Variants in DNAH10 observed in about 807,000 individuals in gnomAD.
The protein encoded by DNAH10 is axonemal beta dynein heavy chain 10.
A neutral mutation model predicts 506.6 loss-of-function variants in DNAH10; 348 were observed. That is an observed-to-expected ratio of 0.69 (90% CI 0.63 to 0.75). DNAH10 has a LOEUF of 0.75. DNAH10 is among the 30% of genes least tolerant of loss of function. The probability of loss-of-function intolerance (pLI) is 0.00; values close to 1 mark genes in which losing one functional copy is unlikely to be tolerated. For synonymous variants in DNAH10, 2,059 were observed against 2,198.6 expected (o/e 0.94, Z 1.78); for missense variants, 5,179 against 5,787.1 (o/e 0.89, Z 3.41).
Position 123,902,958 on chromosome 12 carries a change from G to A in DNAH10, c.9660G>A (p.Leu3220=), listed in dbSNP as rs1450311140. 1 of 1,589,108 alleles carries A rather than the reference G, an allele frequency of 6.3e-7. No homozygotes were observed. Among genetic ancestry groups the A allele is most frequent in the South Asian group, 1.1e-5 (1 of 87,018 alleles). Residue 3220 remains leucine, a synonymous_variant, in exon 57 of 79, where the codon CTG becomes CTA. Transcript: ENST00000673944. The surrounding 1 kb of genome is among the most constrained non-coding windows in gnomAD (Gnocchi z 4.5). ...NTAVAEEKKK[L]AEEKAMEIEE... Reference sequence around the variant, plus strand: ...CTGCAGCCGAGGAGAAGAAGAAACTGGCAGAGGAAAAGGCCATGGAGATAG... The same window carrying A: ...CTGCAGCCGAGGAGAAGAAGAAACTAGCAGAGGAAAAGGCCATGGAGATAG...
chr12:123,878,769 T>G (rs1952371296), intron 48 of DNAH10, among the ~76,000 whole-genome samples: 1 of 152,144 alleles, frequency 6.6e-6, no homozygotes, highest in African/African-American at 2.4e-5. Context: ...TGTGGTGGTA[T>G]GTACCTGTAG....
Position 123,928,356 on chromosome 12 carries a change from C to A in DNAH10, c.12106-31C>A, listed in dbSNP as rs1955037072. 6.4e-7 allele frequency: 1 copy of A among 1,556,214 alleles called. No individual in the cohort carries two copies. The highest frequency in any genetic ancestry group is 1.9e-5 in the Admixed American group (1 of 51,908). Reference sequence around the variant, plus strand: ...GCACGGGGTTGGGTTTGGATGCCAACCCCTCTCCTCTTCCCTCTCCCCCGG... The same window carrying A: ...GCACGGGGTTGGGTTTGGATGCCAAACCCTCTCCTCTTCCCTCTCCCCCGG... On this transcript the variant is annotated intron_variant, in intron 69 of 78. Transcript: ENST00000673944. The surrounding 1 kb of genome is among the most constrained non-coding windows in gnomAD (Gnocchi z 4.9).
At chr12:123,867,764 G>T in intron 42 of DNAH10, 139 bp from the exon 43 acceptor site, 1 of 1,317,890 alleles carries the variant, frequency 7.6e-7, no homozygotes, top group South Asian at 1.5e-5. Flanking sequence ...TCAAGATACT[G>T]GGTTCCATCT....
Position 123,853,893 on chromosome 12 carries a change from C to T in DNAH10, c.6438+541C>T, listed in dbSNP as rs142903763. Reference sequence around the variant, plus strand: ...ACACGGATACATGCACGCGCACACACGTACGCACGCACATGTACACATACG... The same window carrying T: ...ACACGGATACATGCACGCGCACACATGTACGCACGCACATGTACACATACG... On this transcript the variant is annotated intron_variant, in intron 36 of 78. Transcript: ENST00000673944. This position sits in a 1 kb window ranked among gnomAD's most constrained non-coding sequence, Gnocchi z 4.7. Among the ~76,000 whole-genome samples the T allele has an allele frequency of 4.0e-5, 6 of 148,862 alleles. No individual in the cohort carries two copies. Among genetic ancestry groups the T allele is most frequent in the Admixed American group, 6.7e-5 (1 of 14,962 alleles).
chr12:123,838,776 A>T (rs1950661339), intron 29 of DNAH10, 87 bp downstream of exon 29: 7 of 1,243,022 alleles, frequency 5.6e-6, no homozygotes, highest in East Asian at 2.3e-5. Flanking sequence ...ATGAGGTTCA[A>T]CCCAGAGGGT....
intron 52 of DNAH10, among the ~76,000 whole-genome samples, chr12:123,892,198 G>GTGGC (rs1039391255): frequency 1.3e-5 from 2 of 152,242 alleles, no homozygotes; most frequent in Non-Finnish European, 2.9e-5. Flanking sequence ...AGAGGTTCAT[G>GTGGC]TGGCTCACAG....
chr12:123,847,938 G>A lies in DNAH10; in HGVS notation c.5815-23G>A, dbSNP rs773776017. Reference sequence around the variant, plus strand: ...TCCTTCTGTGCACCAGAAAACATATGTTTTGCATTTGGCTTATAACAGGCG... The same window carrying A: ...TCCTTCTGTGCACCAGAAAACATATATTTTGCATTTGGCTTATAACAGGCG... On this transcript the variant is annotated intron_variant, in intron 32 of 78. Transcript: ENST00000673944. 4.4e-6 allele frequency: 7 copies of A among 1,589,978 alleles called. No homozygotes were observed. The Admixed American group carries it at 9.0e-5, about 20-fold the overall frequency.
In DNAH10 at chr12:123,793,958, C is replaced by G; in HGVS notation, c.1832C>G (p.Ala611Gly). The change falls in exon 12 of 79, where the codon GCA (alanine) becomes GGA (glycine). Residue 611 changes from alanine to glycine, a missense_variant. By Grantham distance (60) the Ala-to-Gly change is moderately conservative (BLOSUM62 0). This residue lies in a region of DNAH10 where 4,844 missense variants were observed against 5,430.5 expected (regional missense o/e 0.89). Transcript: ENST00000673944. ...TTTTTGCAGGTTATTGAGAAAGAAG[C>G]AAAACATTTTATTGATGAATCTTTT... Reference protein sequence around the residue: ...KIEVLVIEKEAKHFIDESFKT... With the variant: ...KIEVLVIEKEGKHFIDESFKT... The G allele has an allele frequency of 3.2e-6, 4 of 1,250,848 alleles. No homozygotes were observed. Among genetic ancestry groups the G allele is most frequent in the Non-Finnish European group, 2.1e-6 (2 of 964,188 alleles). 77.5% of individuals were successfully genotyped at this position (1,250,848 alleles called of 1,614,324 possible). A position where few individuals can be genotyped will look rare whatever the true frequency, so the allele number is the denominator to read the frequency against.
chr12:123,902,940 C>A lies in DNAH10; in HGVS notation c.9642C>A (p.Ala3214=). 6.3e-7 allele frequency: 1 copy of A among 1,580,662 alleles called. No homozygotes were observed. ...LEEIAVNTAV[A]EEKKKLAEEK... is the part of the protein sequence containing the mutation. The stretch of plus-strand genomic sequence containing the variant: ...CTCACCCCCTGTCCTACCCTGCAGC[C>A]GAGGAGAAGAAGAAACTGGCAGAGG... Residue 3214 remains alanine, a splice_region_variant and synonymous_variant, in exon 57 of 79, where the codon GCC becomes GCA. Transcript: ENST00000673944. This position sits in a 1 kb window ranked among gnomAD's most constrained non-coding sequence, Gnocchi z 4.5.
At chr12:123,858,570 A>G (rs139485773) in intron 37 of DNAH10, among the ~76,000 whole-genome samples, 1 of 152,300 alleles carries the variant, frequency 6.6e-6, no homozygotes, top group African/African-American at 2.4e-5. Context: ...AGACCCAGCA[A>G]TTTCACTGCT....
intron 36 of DNAH10, among the ~76,000 whole-genome samples, chr12:123,854,672 T>C (rs1205854052): frequency 6.6e-6 from 1 of 152,258 alleles, no homozygotes; most frequent in Non-Finnish European, 1.5e-5. Context: ...ACTGTGTTTG[T>C]ACAGAGACTG....
In DNAH10 at chr12:123,785,773, G is replaced by C; in HGVS notation, c.1258G>C (p.Val420Leu). ...CATAACGCACGGGTCTGGCTTCCAC[G>C]TGGTCCTGGACACCATCCCCGCCAT... ...KNITHGSGFH[V>L]VLDTIPAMMS... Residue 420 changes from valine (V) to leucine (L), a missense_variant, in exon 9 of 79, where the codon GTG (valine) becomes CTG (leucine). By Grantham distance (32) the Val-to-Leu change is conservative (BLOSUM62 1). Coordinates refer to ENST00000673944, the MANE Select transcript of DNAH10 (RefSeq NM_001372106.1). The surrounding 1 kb of genome is among the most constrained non-coding windows in gnomAD (Gnocchi z 4.1). 1 of 1,613,090 alleles carries C rather than the reference G, an allele frequency of 6.2e-7. No homozygotes were observed. Among genetic ancestry groups the C allele is most frequent in the South Asian group, 1.1e-5 (1 of 91,020 alleles).
chr12:123,771,724 G>T lies in DNAH10; in HGVS notation c.396+26G>T, dbSNP rs753118970. Reference sequence around the variant, plus strand: ...GTAAGCATGGCTCTTTGTCCTTGTTGGTGGGGTAATGGGGACCCTTGATGC... The same window carrying T: ...GTAAGCATGGCTCTTTGTCCTTGTTTGTGGGGTAATGGGGACCCTTGATGC... On this transcript the variant is annotated intron_variant, in intron 3 of 78. Coordinates refer to ENST00000673944, the MANE Select transcript of DNAH10 (RefSeq NM_001372106.1). The T allele has an allele frequency of 2.2e-5, 35 of 1,580,944 alleles. No individual in the cohort carries two copies. The South Asian group carries it at 4.0e-4, about 18-fold the overall frequency.
chr12:123,776,379 G>A (rs1334889965), intron 5 of DNAH10, among the ~76,000 whole-genome samples: 2 of 151,976 alleles, frequency 1.3e-5, no homozygotes, highest in African/African-American at 4.8e-5. Context: ...GATCGCTTGA[G>A]GCTAGGAGTT....
intron 59 of DNAH10, 116 bp downstream of exon 59, chr12:123,910,788 A>AT (rs1954030637): frequency 7.4e-7 from 1 of 1,357,804 alleles, no homozygotes; most frequent in African/African-American, 1.5e-5. Context: ...TTCAAGCTGC[A>AT]TAAACTTTCC....
chr12:123,930,896 T>C (rs1955173395), intron 73 of DNAH10, among the ~76,000 whole-genome samples: 2 of 152,014 alleles, frequency 1.3e-5, no homozygotes, highest in Non-Finnish European at 2.9e-5. Context: ...ATTAAAAACA[T>C]GTCATTGGCT....
At chr12:123,773,225 C>T (rs944471065) in intron 4 of DNAH10, among the ~76,000 whole-genome samples, 2 of 152,198 alleles carry the variant, frequency 1.3e-5, no homozygotes, top group African/African-American at 4.8e-5. Flanking sequence ...CTTCAGTGGG[C>T]ATATTTCTTG....
At position 123,893,247 on chromosome 12, in the gene DNAH10, C is replaced by G; in HGVS notation, c.9010C>G (p.Leu3004Val). ...NMLTSGIVPA[L>V]FSEEEKESIL... The stretch of plus-strand genomic sequence containing the variant: ...TCCTTTTCCAGGAATTGTACCTGCG[C>G]TTTTTTCTGAAGAGGAGAAAGAGTC... Residue 3004 changes from leucine (L) to valine (V), a missense_variant, in exon 53 of 79, where the codon CTT becomes GTT. Leu to Val is a conservative substitution (Grantham distance 32). This residue lies in a region of DNAH10 where 4,844 missense variants were observed against 5,430.5 expected (regional missense o/e 0.89). Transcript: ENST00000673944. 6.2e-7 allele frequency: 1 copy of G among 1,614,026 alleles called. No homozygotes were observed. Among genetic ancestry groups the G allele is most frequent in the Non-Finnish European group, 8.5e-7 (1 of 1,179,884 alleles).
intron 28 of DNAH10, among the ~76,000 whole-genome samples, chr12:123,835,995 AT>A (rs1961094187): frequency 1.3e-5 from 2 of 152,090 alleles, no homozygotes; most frequent in South Asian, 4.1e-4. Flanking sequence ...TTCCCATTTG[AT>A]TTTTAGCTGC....
Sources: gnomAD v4.1 joint callset for allele counts (sites outside exome capture counted in the v4.1 genomes callset) on GRCh38, gnomAD v4.1.1 for gene constraint, gnomAD v4.1.1 regional missense constraint, Gnocchi (gnomAD v3.1) non-coding constraint, MANE v1.5 for transcripts, NCBI Gene and HGNC (gene_info 2026-07-23, HGNC 2026-07-21) for gene names.